The following NEGR1 variants were observed in gnomAD, a reference collection of about 807,000 sequenced individuals.
The protein encoded by NEGR1 is neuronal growth regulator 1, also known as IgLON family member 4.
NEGR1 carries 10 observed loss-of-function variants against 40.9 expected under a neutral mutation model. The observed-to-expected ratio is 0.24, with a 90% CI of 0.15 to 0.42. NEGR1 has a LOEUF of 0.42. NEGR1 is among the 10% of genes least tolerant of loss of function. The probability of loss-of-function intolerance (pLI) is 1.00; values close to 1 mark genes in which losing one functional copy is unlikely to be tolerated. For missense variants in NEGR1, 352 were observed against 438.9 expected (o/e 0.80, Z 1.77); for synonymous variants, 185 against 166.8 (o/e 1.11, Z -0.84).
chr1:71,538,359 T>G (rs1414224621), intron 6 of NEGR1, among the ~76,000 whole-genome samples: 1 of 151,738 alleles, frequency 6.6e-6, no homozygotes, highest in Non-Finnish European at 1.5e-5. Flanking sequence ...GGTTGTTATT[T>G]TATCTTTATG....
At chr1:72,051,271 A>C (rs1647057855) in intron 1 of NEGR1, among the ~76,000 whole-genome samples, 1 of 151,546 alleles carries the variant, frequency 6.6e-6, no homozygotes, top group East Asian at 1.9e-4. Flanking sequence ...TATTACAATC[A>C]AGATTACCAT....
chr1:71,906,641 GA>G (rs199880801), intron 2 of NEGR1, among the ~76,000 whole-genome samples: 4,324 of 151,500 alleles, frequency 0.029, 106 homozygotes, highest in Middle Eastern at 0.068. Flanking sequence ...TTAAAATAGT[GA>G]AAAAAAACTG....
intron 1 of NEGR1, among the ~76,000 whole-genome samples, chr1:71,966,007 TAATTC>T (rs1473883604): frequency 6.6e-6 from 1 of 152,204 alleles, no homozygotes; most frequent in Admixed American, 6.6e-5. Context: ...ATTCATTCAC[TAATTC>T]AATAACCATG....
At chr1:71,668,223 A>C (rs1010788839) in intron 4 of NEGR1, among the ~76,000 whole-genome samples, 1 of 152,096 alleles carries the variant, frequency 6.6e-6, no homozygotes, top group African/African-American at 2.4e-5. Flanking sequence ...TAAATTGTCC[A>C]TTACCCTTGC....
chr1:71,981,022 T>C (rs1646349993), intron 1 of NEGR1, among the ~76,000 whole-genome samples: 1 of 152,166 alleles, frequency 6.6e-6, no homozygotes, highest in Admixed American at 6.5e-5. Context: ...AGTGCCCTCA[T>C]CTACCTCACT....
intron 2 of NEGR1, among the ~76,000 whole-genome samples, chr1:71,780,572 A>G (rs1354180868): frequency 1.3e-5 from 2 of 152,256 alleles, no homozygotes; most frequent in Non-Finnish European, 2.9e-5. Flanking sequence ...GGTTGAAAGT[A>G]GATTTAAAGA....
At chr1:72,260,207 A>T (rs1655410028) in intron 1 of NEGR1, among the ~76,000 whole-genome samples, 1 of 152,038 alleles carries the variant, frequency 6.6e-6, no homozygotes, top group East Asian at 1.9e-4. Flanking sequence ...TCTGACTTTG[A>T]AATCTGTGAA....
intron 3 of NEGR1, among the ~76,000 whole-genome samples, chr1:71,726,096 A>G (rs1250852129): frequency 2.0e-5 from 3 of 152,210 alleles, no homozygotes; most frequent in Admixed American, 1.3e-4. Flanking sequence ...GTTAGTATTT[A>G]GAAAACTTAG....
intron 1 of NEGR1, among the ~76,000 whole-genome samples, chr1:72,035,670 T>C (rs1475602169): frequency 6.6e-6 from 1 of 152,114 alleles, no homozygotes; most frequent in Non-Finnish European, 1.5e-5. Flanking sequence ...AAGAAAATGT[T>C]TAAATGGCAT....
At chr1:71,847,117 T>C (rs1457561563) in intron 2 of NEGR1, among the ~76,000 whole-genome samples, 1 of 152,134 alleles carries the variant, frequency 6.6e-6, no homozygotes, top group African/African-American at 2.4e-5. Flanking sequence ...TTGACTCAAG[T>C]TGGCTTTGGA....
chr1:71,545,645 T>C (rs982696111), intron 6 of NEGR1, among the ~76,000 whole-genome samples: 8 of 151,590 alleles, frequency 5.3e-5, no homozygotes, highest in African/African-American at 1.7e-4. Flanking sequence ...ATATGATTCA[T>C]TGTGTGCCAA....
chr1:71,618,304 G>C (rs1650507696), intron 4 of NEGR1, among the ~76,000 whole-genome samples: 1 of 152,136 alleles, frequency 6.6e-6, no homozygotes, highest in African/African-American at 2.4e-5. Flanking sequence ...GTCCCTGCCA[G>C]AAAAGACTCA....
At chr1:72,244,550 C>G (rs1214509571) in intron 1 of NEGR1, among the ~76,000 whole-genome samples, 1 of 151,788 alleles carries the variant, frequency 6.6e-6, no homozygotes, top group Middle Eastern at 3.2e-3. Context: ...ATTACCAAGA[C>G]TCCCATTTGG....
intron 1 of NEGR1, among the ~76,000 whole-genome samples, chr1:72,071,389 T>G (rs948318019): frequency 2.0e-5 from 3 of 152,264 alleles, no homozygotes; most frequent in African/African-American, 7.2e-5. Context: ...AATATTCAAT[T>G]TAATGGCAAT....
chr1:71,717,906 C>T lies in NEGR1; in HGVS notation c.536-19767G>A, dbSNP rs540269363. Reference sequence around the variant, plus strand: ...TGGAAGCAAACAGCTATCTACAAGTCAAGGAGAGAGACCTGGAGCACATTC... The same window carrying T: ...TGGAAGCAAACAGCTATCTACAAGTTAAGGAGAGAGACCTGGAGCACATTC... On this transcript the variant is annotated intron_variant, in intron 3 of 6. Transcript: ENST00000357731. Among the ~76,000 whole-genome samples, 25 of 152,242 alleles carry T rather than the reference C, an allele frequency of 1.6e-4. No individual in the cohort carries two copies. The East Asian group carries it at 4.7e-3, about 28-fold the overall frequency.
chr1:71,895,398 A>G (rs569272329), intron 2 of NEGR1, among the ~76,000 whole-genome samples: 38 of 152,336 alleles, frequency 2.5e-4, no homozygotes, highest in African/African-American at 8.9e-4. Flanking sequence ...TTTTGTAAGC[A>G]TCATATTTTC....
At chr1:71,591,115 A>G (rs377463743) in intron 6 of NEGR1, among the ~76,000 whole-genome samples, 1 of 152,142 alleles carries the variant, frequency 6.6e-6, no homozygotes, top group East Asian at 1.9e-4. Flanking sequence ...CATTTTTTCA[A>G]ACTCCCAGGG....
intron 2 of NEGR1, among the ~76,000 whole-genome samples, chr1:71,850,265 C>T (rs930656000): frequency 6.6e-6 from 1 of 152,098 alleles, no homozygotes; most frequent in Non-Finnish European, 1.5e-5. Context: ...AAGCAATCCT[C>T]CCATCTCAGC....
At chr1:72,200,500 T>A (rs970407734) in intron 1 of NEGR1, among the ~76,000 whole-genome samples, 1 of 151,902 alleles carries the variant, frequency 6.6e-6, no homozygotes, top group East Asian at 1.9e-4. Context: ...CAACAATAGA[T>A]ATTGTAGACT....
Sources: allele counts gnomAD v4.1 joint callset (sites outside exome capture counted in the v4.1 genomes callset), GRCh38; gene constraint gnomAD v4.1.1; transcripts MANE v1.5; gene names NCBI Gene and HGNC (gene_info 2026-07-23, HGNC 2026-07-21).